The following SYT9 variants were observed in gnomAD, a reference collection of about 807,000 sequenced individuals.
The protein encoded by SYT9 is synaptotagmin-9.
A neutral mutation model predicts 48.4 loss-of-function variants in SYT9; 22 were observed. The ratio of observed to expected loss-of-function variants is 0.45; its 90% CI spans 0.32 to 0.65. The LOEUF is 0.65. SYT9 is among the 30% of genes least tolerant of loss of function. The pLI, the probability that SYT9 is intolerant of heterozygous loss-of-function variation, is 0.03. For synonymous variants in SYT9, 265 were observed against 245.0 expected (o/e 1.08, Z -0.76); for missense variants, 577 against 622.0 (o/e 0.93, Z 0.77).
At chr11:7,381,607 C>G (rs935539600) in intron 3 of SYT9, among the ~76,000 whole-genome samples, 1 of 152,152 alleles carries the variant, frequency 6.6e-6, no homozygotes, top group Non-Finnish European at 1.5e-5. Context: ...AAGTTTGTCA[C>G]AGAAGAGAGT....
intron 3 of SYT9, among the ~76,000 whole-genome samples, chr11:7,315,641 T>A (rs1849229685): frequency 6.6e-6 from 1 of 152,198 alleles, no homozygotes; most frequent in Non-Finnish European, 1.5e-5. Flanking sequence ...GAGAGCAACG[T>A]TGACTGCGCA....
Position 7,420,667 on chromosome 11 carries a change from A to AT in SYT9, c.1467+33dup, listed in dbSNP as rs762880541. ...CCCTAATCCACATGCTCCACTTTGC[A>AT]TAAGAGTAAATGCTTTACTGTTGAA... On this transcript the variant is annotated intron_variant, in intron 6 of 6. Transcript: ENST00000318881. The AT allele has an allele frequency of 5.7e-5, 92 of 1,613,472 alleles. No homozygotes were observed. In the East Asian group the frequency reaches 2.0e-3, roughly 35 times the overall value.
intron 6 of SYT9, among the ~76,000 whole-genome samples, chr11:7,428,339 G>A (rs900798706): frequency 1.3e-5 from 2 of 152,192 alleles, no homozygotes; most frequent in African/African-American, 2.4e-5. Context: ...AAATAGGAAG[G>A]TGGATGACAA....
At chr11:7,333,399 A>G (rs1361468348) in intron 3 of SYT9, among the ~76,000 whole-genome samples, 8 of 152,188 alleles carry the variant, frequency 5.3e-5, no homozygotes, top group Non-Finnish European at 8.8e-5. Context: ...TTCGTTTTCT[A>G]TAAGGCCCTG....
chr11:7,352,793 C>G (rs973029661), intron 3 of SYT9, among the ~76,000 whole-genome samples: 1 of 152,130 alleles, frequency 6.6e-6, no homozygotes, highest in African/African-American at 2.4e-5. Flanking sequence ...GCTAGGAAGA[C>G]GAGAAAGGCA....
intron 4 of SYT9, 47 bp from the exon 5 acceptor site, chr11:7,417,910 A>G (rs759093522): frequency 2.5e-6 from 4 of 1,583,856 alleles, no homozygotes; most frequent in Non-Finnish European, 2.6e-6. Flanking sequence ...GCCCACCTAA[A>G]TCTATACGTA....
intron 3 of SYT9, among the ~76,000 whole-genome samples, chr11:7,342,730 C>T (rs550189085): frequency 1.1e-3 from 161 of 152,306 alleles, no homozygotes; most frequent in African/African-American, 3.7e-3. Flanking sequence ...AGGCAGTGCC[C>T]CAGTGGGGAC....
chr11:7,423,668 T>C (rs903332396), intron 6 of SYT9, among the ~76,000 whole-genome samples: 3 of 152,170 alleles, frequency 2.0e-5, no homozygotes, highest in Admixed American at 1.3e-4. Context: ...TGTGTGTCCT[T>C]ATGGGCCTAT....
At chr11:7,366,458 T>C (rs994964471) in intron 3 of SYT9, among the ~76,000 whole-genome samples, 1 of 152,202 alleles carries the variant, frequency 6.6e-6, no homozygotes, top group Non-Finnish European at 1.5e-5. Context: ...ATAAAACTCT[T>C]AATAGAGTTA....
At chr11:7,411,187 C>T (rs1313426873) in intron 3 of SYT9, among the ~76,000 whole-genome samples, 9 of 152,154 alleles carry the variant, frequency 5.9e-5, no homozygotes, top group Admixed American at 5.9e-4. Flanking sequence ...AGGCTTTGTT[C>T]CTGCCATGCT....
At chr11:7,420,658 C>T (rs1847336694) in intron 6 of SYT9, 23 bp downstream of exon 6, 1 of 1,613,708 alleles carries the variant, frequency 6.2e-7, no homozygotes, top group Non-Finnish European at 8.5e-7. Flanking sequence ...TCCACATGCT[C>T]CACTTTGCAT....
upstream of SYT9, among the ~76,000 whole-genome samples, chr11:7,249,744 G>C (rs543832893): frequency 6.6e-6 from 1 of 152,076 alleles, no homozygotes; most frequent in African/African-American, 2.4e-5. Flanking sequence ...AAAGATACAC[G>C]TTATCTTTGA....
chr11:7,464,499 C>T (rs1848294241), intron 6 of SYT9, among the ~76,000 whole-genome samples: 2 of 152,206 alleles, frequency 1.3e-5, no homozygotes, highest in African/African-American at 2.4e-5. Context: ...ATTAGTGTCT[C>T]TACAACGCTG....
At chr11:7,452,118 A>AACACACACACACACACACACACAC (rs142000557) in intron 6 of SYT9, among the ~76,000 whole-genome samples, 24 of 147,642 alleles carry the variant, frequency 1.6e-4, no homozygotes, top group Admixed American at 2.7e-4. Context: ...TTATATTTAA[A>AACACACACACACACACACACACAC]ACACACACAC....
At chr11:7,443,919 T>C (rs557657362) in intron 6 of SYT9, among the ~76,000 whole-genome samples, 2 of 152,348 alleles carry the variant, frequency 1.3e-5, no homozygotes, top group Non-Finnish European at 2.9e-5. Context: ...TTGGATTCAT[T>C]TGATCAGTGG....
chr11:7,256,336 T>C (rs1040974974), intron 1 of SYT9, among the ~76,000 whole-genome samples: 1 of 152,200 alleles, frequency 6.6e-6, no homozygotes, highest in Admixed American at 6.5e-5. Flanking sequence ...ATTGGAGATC[T>C]CAGTTATGTC....
In SYT9 at chr11:7,364,244, T is replaced by A. The variant is rs1850200485; in HGVS notation, c.1044+50303T>A. On this transcript the variant is annotated intron_variant, in intron 3 of 6. Transcript: ENST00000318881. ...TGGAAGAAGGATAAAGATGCAAACC[T>A]CTTTGTAGTGATGTTGGCAGCGAGT... Among the ~76,000 whole-genome samples the A allele has an allele frequency of 2.0e-5, 3 of 152,188 alleles. No homozygotes were observed. In the South Asian group the frequency reaches 6.2e-4, roughly 32 times the overall value.
In SYT9 at chr11:7,455,334, A is replaced by ATTTTT. The variant is rs34629945; in HGVS notation, c.1468-11445_1468-11441dup. The stretch of plus-strand genomic sequence containing the variant: ...CATACAACATTCCAATGTTTAAGCT[A>ATTTTT]TTTTTTTTTTTTTTTTTGAGACAGA... On this transcript the variant is annotated intron_variant, in intron 6 of 6. Transcript: ENST00000318881. 2.4e-3 allele frequency among the ~76,000 whole-genome samples: 328 copies of ATTTTT among 136,526 alleles called. 5 individuals are homozygous for ATTTTT. Among genetic ancestry groups the ATTTTT allele is most frequent in the African/African-American group, 8.4e-3 (307 of 36,574 alleles). The allele number at this position is 136,526 out of a possible 152,430, so 89.6% of individuals were successfully genotyped here. A position where few individuals can be genotyped will look rare whatever the true frequency, so the allele number is the denominator to read the frequency against.
intron 3 of SYT9, among the ~76,000 whole-genome samples, chr11:7,332,024 A>C (rs372349599): frequency 4.3e-4 from 66 of 152,314 alleles, no homozygotes; most frequent in African/African-American, 1.6e-3. Flanking sequence ...TGGCGTGTGA[A>C]TCTTAATTTG....
Sources: allele counts gnomAD v4.1 joint callset (sites outside exome capture counted in the v4.1 genomes callset), GRCh38; gene constraint gnomAD v4.1.1; transcripts MANE v1.5; gene names NCBI Gene and HGNC (gene_info 2026-07-23, HGNC 2026-07-21).